The following VWA8 variants were observed in gnomAD, a reference collection of about 807,000 sequenced individuals.
VWA8 encodes the protein von Willebrand factor A domain-containing protein 8.
A neutral mutation model predicts 241.5 loss-of-function variants in VWA8; 221 were observed. The observed-to-expected ratio is 0.91, with a 90% confidence interval of 0.82 to 1.02. VWA8 has a LOEUF of 1.02. Among genes scored for constraint, VWA8 ranks in the 50% least tolerant of loss-of-function variants. VWA8 has a pLI of 0.00. For synonymous variants in VWA8, 852 were observed against 827.1 expected (o/e 1.03, Z -0.52); for missense variants, 2,322 against 2,328.7 (o/e 1.00, Z 0.06).
intron 21 of VWA8, among the ~76,000 whole-genome samples, chr13:41,739,236 GA>G (rs1566436064): frequency 6.6e-6 from 1 of 152,124 alleles, no homozygotes; most frequent in Non-Finnish European, 1.5e-5. Flanking sequence ...AATTTTGCAT[GA>G]GATTAAATAT....
intron 43 of VWA8, among the ~76,000 whole-genome samples, chr13:41,571,959 C>CG (rs956613575): frequency 6.6e-6 from 1 of 151,820 alleles, no homozygotes; most frequent in African/African-American, 2.4e-5. Flanking sequence ...TCTGACCGGC[C>CG]GCCCAGTCTG....
chr13:41,733,707 C>T (rs955464476), intron 21 of VWA8, among the ~76,000 whole-genome samples: 1 of 151,986 alleles, frequency 6.6e-6, no homozygotes, highest in Non-Finnish European at 1.5e-5. Flanking sequence ...TCCCCCAATT[C>T]GGCCCTTAAC....
chr13:41,775,958 A>C (rs1314133190), intron 20 of VWA8, among the ~76,000 whole-genome samples: 1 of 152,130 alleles, frequency 6.6e-6, no homozygotes, highest in South Asian at 2.1e-4. Context: ...CTGAAACTCT[A>C]ATCTATTACC....
intron 26 of VWA8, 68 bp from the exon 27 acceptor site, chr13:41,703,479 C>T (rs759788083): frequency 7.5e-7 from 1 of 1,333,884 alleles, no homozygotes; most frequent in South Asian, 1.2e-5. Flanking sequence ...AATAACACGG[C>T]ATCTATTATC....
intron 1 of VWA8, among the ~76,000 whole-genome samples, chr13:41,959,939 G>T (rs1004525609): frequency 1.3e-5 from 2 of 152,098 alleles, no homozygotes; most frequent in Non-Finnish European, 2.9e-5. Context: ...GGAAAACTGG[G>T]GGTTGCGGGG....
chr13:41,669,375 A>G (rs9594608), intron 37 of VWA8, among the ~76,000 whole-genome samples: 5,568 of 152,300 alleles, frequency 0.037, 332 homozygotes, highest in African/African-American at 0.13. Context: ...TCCATTTGTT[A>G]TCAAATAGTT....
intron 37 of VWA8, among the ~76,000 whole-genome samples, chr13:41,656,879 C>A (rs1201014744): frequency 6.6e-6 from 1 of 152,180 alleles, no homozygotes; most frequent in Admixed American, 6.5e-5. Flanking sequence ...ATCACATGGT[C>A]ATGCGTGTTG....
chr13:41,691,361 T>C lies in VWA8; in HGVS notation c.3825A>G (p.Val1275=), dbSNP rs369845327. 21 of 1,612,616 alleles carry C rather than the reference T, an allele frequency of 1.3e-5. No individual in the cohort carries two copies. The highest frequency in any genetic ancestry group is 4.0e-5 in the African/African-American group (3 of 74,838). ...LPINLKTVFL[V]AEDKWLLVES... is the part of the protein sequence containing the mutation. ...CCACCAGAAGCCATTTGTCCTCTGC[T>C]ACAAGGAAAACTGTCTTGAGGTTGA... The change falls in exon 32 of 45, where the codon GTA becomes GTG. Residue 1275 remains valine, a synonymous_variant. Coordinates refer to ENST00000379310, the MANE Select transcript of VWA8 (RefSeq NM_015058.2).
At chr13:41,643,634 T>C (rs1476862919) in intron 37 of VWA8, among the ~76,000 whole-genome samples, 1 of 152,206 alleles carries the variant, frequency 6.6e-6, no homozygotes, top group Non-Finnish European at 1.5e-5. Context: ...CAGAGCTTAA[T>C]GAACGCCAGT....
intron 27 of VWA8, among the ~76,000 whole-genome samples, chr13:41,702,916 G>C (rs1362794808): frequency 6.6e-6 from 1 of 152,088 alleles, no homozygotes. Context: ...AATACCTAGA[G>C]GGACTTCTAT....
At chr13:41,670,485 G>T (rs1028763206) in intron 37 of VWA8, among the ~76,000 whole-genome samples, 2 of 151,980 alleles carry the variant, frequency 1.3e-5, no homozygotes, top group Non-Finnish European at 2.9e-5. Context: ...GATAAAAAAC[G>T]TTCTATTGGA....
chr13:41,649,117 G>A (rs545503126), intron 37 of VWA8, among the ~76,000 whole-genome samples: 74 of 152,286 alleles, frequency 4.9e-4, no homozygotes, highest in African/African-American at 1.7e-3. Flanking sequence ...CCCGGGAGGC[G>A]GAGTTGCAGT....
intron 2 of VWA8, among the ~76,000 whole-genome samples, chr13:41,930,850 T>C (rs1222734454): frequency 1.3e-5 from 2 of 152,086 alleles, no homozygotes; most frequent in Admixed American, 6.5e-5. Flanking sequence ...GGTCAGCTTG[T>C]ATATCTACAC....
Position 41,883,351 on chromosome 13 carries a change from G to A in VWA8, c.1080+36C>T, listed in dbSNP as rs567852174. On this transcript the variant is annotated intron_variant, in intron 9 of 44. Coordinates refer to ENST00000379310, the MANE Select transcript of VWA8 (RefSeq NM_015058.2). ...GGAAAAGGCAAGGGAAGGGAAAATG[G>A]GAAAAGAAAGGAAAGAAAGGGAAGC... 14 of 1,541,730 alleles carry A rather than the reference G, an allele frequency of 9.1e-6. No individual in the cohort carries two copies. The South Asian group carries it at 1.6e-4, about 17-fold the overall frequency.
intron 38 of VWA8, among the ~76,000 whole-genome samples, chr13:41,613,021 G>A (rs886941922): frequency 2.6e-5 from 4 of 152,126 alleles, no homozygotes; most frequent in South Asian, 2.1e-4. Context: ...ACAAAGCCTA[G>A]TTACACAGAA....
At chr13:41,830,712 A>G (rs1768967274) in intron 13 of VWA8, 70 bp from the exon 14 acceptor site, 1 of 1,334,102 alleles carries the variant, frequency 7.5e-7, no homozygotes, top group African/African-American at 1.5e-5. Context: ...CAGAGGCAGA[A>G]TCAGTCAGCC....
chr13:41,860,715 T>C (rs1357988253), intron 12 of VWA8, among the ~76,000 whole-genome samples: 1 of 152,168 alleles, frequency 6.6e-6, no homozygotes, highest in Non-Finnish European at 1.5e-5. Context: ...GATAGCATAC[T>C]CAAAGGCAGG....
chr13:41,858,514 G>A (rs1052213726), intron 12 of VWA8, among the ~76,000 whole-genome samples: 1 of 152,034 alleles, frequency 6.6e-6, no homozygotes, highest in Non-Finnish European at 1.5e-5. Flanking sequence ...GCTGAGGCAG[G>A]AGAATCACTT....
chr13:41,571,548 C>G (rs1004606599), intron 43 of VWA8, among the ~76,000 whole-genome samples: 1 of 152,142 alleles, frequency 6.6e-6, no homozygotes, highest in African/African-American at 2.4e-5. Flanking sequence ...CGGGGTTTCG[C>G]CGTGTTGGCC....
Sources: allele counts gnomAD v4.1 joint callset (sites outside exome capture counted in the v4.1 genomes callset), GRCh38; gene constraint gnomAD v4.1.1; transcripts MANE v1.5; gene names NCBI Gene and HGNC (gene_info 2026-07-23, HGNC 2026-07-21).